ELAPOR2: variants seen among roughly 807,000 people sequenced by gnomAD.
ELAPOR2 encodes endosome-lysosome associated apoptosis and autophagy regulator family member 2.
In ELAPOR2, 89 loss-of-function variants were observed where a neutral mutation model predicts 120.7. The observed-to-expected ratio is 0.74, with a 90% CI of 0.62 to 0.88. The LOEUF (loss-of-function observed/expected upper bound fraction) is 0.88. Ranked by LOEUF, ELAPOR2 falls within the 40% of genes least tolerant of loss-of-function variation. The pLI, the probability that ELAPOR2 is intolerant of heterozygous loss-of-function variation, is 0.00. For missense variants in ELAPOR2, 1,134 were observed against 1,251.6 expected (o/e 0.91, Z 1.42); for synonymous variants, 444 against 444.9 (o/e 1.00, Z 0.03).
intron 1 of ELAPOR2, among the ~76,000 whole-genome samples, chr7:86,998,453 G>A (rs970679804): frequency 3.9e-5 from 6 of 152,174 alleles, no homozygotes; most frequent in Admixed American, 1.3e-4. Context: ...GAGTAGTGGA[G>A]CTAAAATTCA....
intron 1 of ELAPOR2, among the ~76,000 whole-genome samples, chr7:86,972,059 G>T (rs1792123152): frequency 6.6e-6 from 1 of 152,068 alleles, no homozygotes; most frequent in East Asian, 1.9e-4. Flanking sequence ...AGTGTTAGAG[G>T]ACCTCGCTTT....
At chr7:87,050,140 A>G (rs1403220041) in intron 1 of ELAPOR2, among the ~76,000 whole-genome samples, 1 of 152,212 alleles carries the variant, frequency 6.6e-6, no homozygotes, top group Non-Finnish European at 1.5e-5. Context: ...GTATTCTGTT[A>G]TAGAAGCACA....
At chr7:87,016,397 A>G (rs1280994661) in intron 1 of ELAPOR2, among the ~76,000 whole-genome samples, 2 of 151,888 alleles carry the variant, frequency 1.3e-5, no homozygotes, top group African/African-American at 4.8e-5. Context: ...CCTGTATTTC[A>G]TATTTCAGAT....
intron 1 of ELAPOR2, among the ~76,000 whole-genome samples, chr7:87,003,227 A>T (rs915736302): frequency 1.3e-5 from 2 of 152,154 alleles, no homozygotes; most frequent in Admixed American, 6.6e-5. Context: ...TGCAGGGGTC[A>T]GCTAAACCCA....
intron 2 of ELAPOR2, among the ~76,000 whole-genome samples, chr7:86,952,356 C>A (rs1466360439): frequency 6.6e-6 from 1 of 152,160 alleles, no homozygotes; most frequent in Non-Finnish European, 1.5e-5. Flanking sequence ...AAAAGGTTAA[C>A]TAGTTAACAG....
chr7:87,041,097 G>A (rs966015673), intron 1 of ELAPOR2, among the ~76,000 whole-genome samples: 96 of 152,316 alleles, frequency 6.3e-4, no homozygotes, highest in Middle Eastern at 3.4e-3. Context: ...AAGCCTCCAA[G>A]AAATATGGGA....
At chr7:86,891,387 A>G (rs926790548) in intron 21 of ELAPOR2, 3 of 178,846 alleles carry the variant, frequency 1.7e-5, no homozygotes, top group African/African-American at 2.3e-5. Context: ...TATAAATACA[A>G]TAGTCCATTT....
At chr7:86,900,295 T>C (rs557653250) in intron 18 of ELAPOR2, among the ~76,000 whole-genome samples, 1 of 152,280 alleles carries the variant, frequency 6.6e-6, no homozygotes, top group Admixed American at 6.5e-5. Flanking sequence ...TGGGTTACAA[T>C]TCTAACTGGA....
chr7:86,943,924 C>T (rs997907413), intron 4 of ELAPOR2, among the ~76,000 whole-genome samples: 5 of 152,066 alleles, frequency 3.3e-5, no homozygotes, highest in Non-Finnish European at 7.4e-5. Flanking sequence ...GGAAGGTTCA[C>T]TTAATTGCTC....
At chr7:87,026,755 G>A (rs1794256096) in intron 1 of ELAPOR2, among the ~76,000 whole-genome samples, 1 of 151,872 alleles carries the variant, frequency 6.6e-6, no homozygotes, top group Non-Finnish European at 1.5e-5. Flanking sequence ...ATTATGATCT[G>A]TATTTTACAC....
At position 86,878,855 on chromosome 7, in the gene ELAPOR2, T is replaced by C. The variant is rs1275268127; in HGVS notation, c.*1616A>G. On this transcript the variant is annotated 3_prime_UTR_variant, in exon 22 of 22. Transcript: ENST00000450689. ...CAGAGCAAACAATGACAACCTCACCTATACTCATATGTGCAACAGCAGAGA... is the reference window on the plus strand; with the variant it reads ...CAGAGCAAACAATGACAACCTCACCCATACTCATATGTGCAACAGCAGAGA... The C allele has an allele frequency of 1.3e-5, 2 of 152,182 alleles. No individual in the cohort carries two copies. Among genetic ancestry groups the C allele is most frequent in the African/African-American group, 2.4e-5 (1 of 41,456 alleles). The allele number at this position is 152,182 out of a possible 1,614,324, so 9.4% of individuals were successfully genotyped here.
At chr7:87,028,012 AAAC>A (rs1411452478) in intron 1 of ELAPOR2, among the ~76,000 whole-genome samples, 1 of 152,184 alleles carries the variant, frequency 6.6e-6, no homozygotes, top group Non-Finnish European at 1.5e-5. Context: ...CATCATAATA[AAAC>A]AACAGCTGCT....
intron 8 of ELAPOR2, among the ~76,000 whole-genome samples, chr7:86,929,917 C>T (rs184945559): frequency 1.3e-5 from 2 of 152,042 alleles, no homozygotes; most frequent in East Asian, 3.9e-4. Context: ...CCTGCTTCCC[C>T]TTTTACCATG....
chr7:86,880,596 T>C, intron 21 of ELAPOR2, 66 bp from the exon 22 acceptor site: 2 of 993,366 alleles, frequency 2.0e-6, no homozygotes, highest in South Asian at 2.7e-5. Context: ...GGATCTTACA[T>C]GTCCAGAAGG....
At chr7:87,047,721 T>A (rs559497642) in intron 1 of ELAPOR2, among the ~76,000 whole-genome samples, 2 of 152,290 alleles carry the variant, frequency 1.3e-5, no homozygotes, top group East Asian at 3.9e-4. Context: ...ACACTGTTGA[T>A]GGGAATGTAA....
intron 1 of ELAPOR2, among the ~76,000 whole-genome samples, chr7:87,048,412 T>C (rs1430731267): frequency 6.6e-6 from 1 of 152,194 alleles, no homozygotes; most frequent in East Asian, 1.9e-4. Context: ...TCTCATTTGT[T>C]GATCTAAAAA....
chr7:86,899,352 C>T (rs1424602125), intron 18 of ELAPOR2, among the ~76,000 whole-genome samples: 3 of 152,148 alleles, frequency 2.0e-5, no homozygotes, highest in Non-Finnish European at 4.4e-5. Context: ...TTGTCTACCA[C>T]TTTCGGCTTC....
At chr7:86,987,536 G>A (rs1030819198) in intron 1 of ELAPOR2, among the ~76,000 whole-genome samples, 1 of 152,128 alleles carries the variant, frequency 6.6e-6, no homozygotes, top group Non-Finnish European at 1.5e-5. Flanking sequence ...AGTGGGCAAA[G>A]GATATGAACA....
intron 1 of ELAPOR2, among the ~76,000 whole-genome samples, chr7:87,052,721 T>C (rs1795145772): frequency 6.6e-6 from 1 of 152,176 alleles, no homozygotes; most frequent in Admixed American, 6.5e-5. Context: ...CCAACTCGAG[T>C]TGTAAACTGA....
Sources: gnomAD v4.1 joint callset for allele counts (sites outside exome capture counted in the v4.1 genomes callset) on GRCh38, gnomAD v4.1.1 for gene constraint, MANE v1.5 for transcripts, NCBI Gene and HGNC (gene_info 2026-07-23, HGNC 2026-07-21) for gene names.